The following SYNPR variants were observed in gnomAD, a reference collection of about 807,000 sequenced individuals.
The protein encoded by SYNPR is synaptoporin.
In SYNPR, 23 loss-of-function variants were observed where a neutral mutation model predicts 32.9. The ratio of observed to expected loss-of-function variants is 0.70; its 90% CI spans 0.50 to 0.99. The LOEUF (loss-of-function observed/expected upper bound fraction) is 0.99. Among genes scored for constraint, SYNPR ranks in the 50% least tolerant of loss-of-function variants. The probability of loss-of-function intolerance (pLI) is 0.00; values close to 1 mark genes in which losing one functional copy is unlikely to be tolerated. For synonymous variants in SYNPR, 146 were observed against 135.9 expected (o/e 1.07, Z -0.52); for missense variants, 318 against 349.3 (o/e 0.91, Z 0.71).
Position 63,367,347 on chromosome 3 carries a change from T to TTATTTATG in SYNPR, c.84+88612_84+88613insGTATTTAT, listed in dbSNP as rs1553873553. 3.5e-5 allele frequency among the ~76,000 whole-genome samples: 5 copies of TTATTTATG among 141,174 alleles called. No homozygotes were observed. In the East Asian group the frequency reaches 9.7e-4, roughly 27 times the overall value. 92.6% of individuals were successfully genotyped at this position (141,174 alleles called of 152,430 possible). ...CCTCTAAGCATCACTGTTGAATTAT[T>TTATTTATG]TATTTATTTATTTATTTATTTATTT... On this transcript the variant is annotated intron_variant, in intron 2 of 5. Coordinates refer to ENST00000478300, the MANE Select transcript of SYNPR (RefSeq NM_001130003.2).
intron 4 of SYNPR, among the ~76,000 whole-genome samples, chr3:63,594,160 GCAT>G (rs1323137136): frequency 6.6e-6 from 1 of 152,126 alleles, no homozygotes; most frequent in Non-Finnish European, 1.5e-5. Context: ...AACAGGTAAG[GCAT>G]CATACCTTAC....
intron 3 of SYNPR, among the ~76,000 whole-genome samples, chr3:63,517,310 G>A (rs1009528160): frequency 2.0e-5 from 3 of 152,016 alleles, no homozygotes; most frequent in African/African-American, 4.8e-5. Flanking sequence ...TCATTGTGGC[G>A]GCTAAATGAG....
rs149456581 is a variant in SYNPR, at chr3:63,514,803, G to T, written c.209+33847G>T. ...AACCTTCCTCTCTTAGGATGCCTGA[G>T]ACTTGCTCTTTTGATAGCCTTTGAG... On this transcript the variant is annotated intron_variant, in intron 3 of 5. Coordinates refer to ENST00000478300, the MANE Select transcript of SYNPR (RefSeq NM_001130003.2). 2.6e-4 allele frequency among the ~76,000 whole-genome samples: 39 copies of T among 152,166 alleles called. 1 individual carries two copies. The highest frequency in any genetic ancestry group is 4.6e-4 in the Non-Finnish European group (31 of 68,000).
intron 2 of SYNPR, chr3:63,443,303 A>C: frequency 6.7e-7 from 1 of 1,486,134 alleles, no homozygotes; most frequent in Non-Finnish European, 8.9e-7. Flanking sequence ...TTCCCTCTGC[A>C]TTGATTTTCT....
intron 1 of SYNPR, among the ~76,000 whole-genome samples, chr3:63,251,928 T>A (rs1292883094): frequency 6.6e-6 from 1 of 151,920 alleles, no homozygotes; most frequent in East Asian, 1.9e-4. Context: ...TAAAATCAGG[T>A]TGAGTAAAAG....
At chr3:63,253,559 T>G (rs1388137515) in intron 2 of SYNPR, among the ~76,000 whole-genome samples, 1 of 152,136 alleles carries the variant, frequency 6.6e-6, no homozygotes, top group Non-Finnish European at 1.5e-5. Context: ...AAAAGATACA[T>G]GAAAAAATGC....
chr3:63,516,885 A>C (rs1701811106), intron 3 of SYNPR, among the ~76,000 whole-genome samples: 2 of 152,120 alleles, frequency 1.3e-5, no homozygotes, highest in Non-Finnish European at 1.5e-5. Flanking sequence ...TCCTTGATGT[A>C]TTATTATTCT....
chr3:63,484,662 A>T (rs1701111376), intron 3 of SYNPR, among the ~76,000 whole-genome samples: 1 of 152,208 alleles, frequency 6.6e-6, no homozygotes, highest in Admixed American at 6.5e-5. Context: ...ATATTAGATT[A>T]TGTAGTCATT....
chr3:63,267,235 T>A (rs1307065018), intron 2 of SYNPR: 2 of 152,156 alleles, frequency 1.3e-5, no homozygotes, highest in African/African-American at 4.8e-5. Context: ...GCTCTCTCAG[T>A]TTGTTGGGGA....
intron 1 of SYNPR, among the ~76,000 whole-genome samples, chr3:63,237,889 T>C (rs1250456035): frequency 6.6e-6 from 1 of 152,070 alleles, no homozygotes; most frequent in East Asian, 1.9e-4. Flanking sequence ...CTGGGAGGGT[T>C]GGAGCATCTA....
At chr3:63,406,883 C>T (rs1441301653) in intron 2 of SYNPR, among the ~76,000 whole-genome samples, 2 of 152,118 alleles carry the variant, frequency 1.3e-5, no homozygotes, top group Admixed American at 6.6e-5. Flanking sequence ...AAAATTTTTA[C>T]TGCTGATAGA....
intron 3 of SYNPR, among the ~76,000 whole-genome samples, chr3:63,485,962 G>A (rs1046198539): frequency 6.6e-6 from 1 of 152,180 alleles, no homozygotes; most frequent in Non-Finnish European, 1.5e-5. Flanking sequence ...TATGAGATTA[G>A]TAATCACTGT....
intron 3 of SYNPR, among the ~76,000 whole-genome samples, chr3:63,513,155 T>TC (rs1228492274): frequency 1.5e-5 from 1 of 65,746 alleles, no homozygotes. Context: ...TATCCCCCCC[T>TC]CCCCCCCACC....
At chr3:63,324,897 A>G (rs1198161978) in intron 2 of SYNPR, among the ~76,000 whole-genome samples, 1 of 152,066 alleles carries the variant, frequency 6.6e-6, no homozygotes, top group African/African-American at 2.4e-5. Flanking sequence ...CACAACAAAT[A>G]CCACAAGCAA....
intron 2 of SYNPR, among the ~76,000 whole-genome samples, chr3:63,372,535 C>G (rs141938375): frequency 6.6e-6 from 1 of 152,262 alleles, no homozygotes; most frequent in African/African-American, 2.4e-5. Flanking sequence ...TTCCCCCATC[C>G]CCCTTTCCCC....
intron 2 of SYNPR, among the ~76,000 whole-genome samples, chr3:63,466,233 C>T (rs982501884): frequency 6.6e-6 from 1 of 151,854 alleles, no homozygotes; most frequent in African/African-American, 2.4e-5. Flanking sequence ...ACGTTCCTCT[C>T]TCTCTCTCTC....
At chr3:63,544,666 T>C (rs746159885) in intron 3 of SYNPR, among the ~76,000 whole-genome samples, 6 of 152,094 alleles carry the variant, frequency 3.9e-5, no homozygotes, top group Admixed American at 1.3e-4. Flanking sequence ...CAGAACTGTA[T>C]AGTAATAGAA....
chr3:63,514,269 C>T (rs561299509), intron 3 of SYNPR, among the ~76,000 whole-genome samples: 2 of 152,242 alleles, frequency 1.3e-5, no homozygotes, highest in South Asian at 2.1e-4. Flanking sequence ...ACATTGTAGG[C>T]TTGAATGTTT....
chr3:63,270,672 G>T (rs2086526709), intron 3 of SYNPR, among the ~76,000 whole-genome samples: 1 of 152,050 alleles, frequency 6.6e-6, no homozygotes, highest in Non-Finnish European at 1.5e-5. Flanking sequence ...AATGTGGGCT[G>T]GTAATTTAAC....
Sources: gnomAD v4.1 joint callset for allele counts (sites outside exome capture counted in the v4.1 genomes callset) on GRCh38, gnomAD v4.1.1 for gene constraint, MANE v1.5 for transcripts, NCBI Gene and HGNC (gene_info 2026-07-23, HGNC 2026-07-21) for gene names.